SFMBT2: variants seen among roughly 807,000 people sequenced by gnomAD.
The protein encoded by SFMBT2 is scm-like with four MBT domains protein 2.
A neutral mutation model predicts 110.1 loss-of-function variants in SFMBT2; 38 were observed. That is an observed-to-expected ratio of 0.35 (90% confidence interval 0.27 to 0.45). SFMBT2 has a LOEUF of 0.45. Ranked by LOEUF, SFMBT2 falls within the 20% of genes least tolerant of loss-of-function variation. The pLI, the probability that SFMBT2 is intolerant of heterozygous loss-of-function variation, is 1.00. For synonymous variants in SFMBT2, 425 were observed against 425.4 expected (o/e 1.00, Z 0.01); for missense variants, 1,011 against 1,094.9 (o/e 0.92, Z 1.08).
chr10:7,368,492 A>G (rs906440697), intron 3 of SFMBT2: 1 of 289,314 alleles, frequency 3.5e-6, no homozygotes, highest in African/African-American at 2.3e-5. Flanking sequence ...TGACAGACTT[A>G]TCAATCACAC....
At chr10:7,322,789 G>A (rs935716844) in intron 4 of SFMBT2, among the ~76,000 whole-genome samples, 2 of 152,162 alleles carry the variant, frequency 1.3e-5, no homozygotes, top group Non-Finnish European at 2.9e-5. Flanking sequence ...ACCACAGAAA[G>A]ACAGGATTTC....
At position 7,180,287 on chromosome 10, in the gene SFMBT2, T is replaced by C. The variant is rs968670728; in HGVS notation, c.1809-4122A>G. 3.2e-5 allele frequency among the ~76,000 whole-genome samples: 4 copies of C among 123,488 alleles called. 1 individual carries two copies. The South Asian group carries it at 1.2e-3, about 36-fold the overall frequency. The allele number at this position is 123,488 out of a possible 152,430, so 81.0% of individuals were successfully genotyped here. ...ATACAGGTGCCCACCACCACGCCTA[T>C]AGTGGTAATTTTTTTTTTTTTTTGT... On this transcript the variant is annotated intron_variant, in intron 16 of 20. Coordinates refer to ENST00000397167, the MANE Select transcript of SFMBT2 (RefSeq NM_001387889.1).
At chr10:7,284,456 C>A in intron 5 of SFMBT2, 1 of 1,097,580 alleles carries the variant, frequency 9.1e-7, no homozygotes, top group Non-Finnish European at 1.1e-6. Context: ...CTTTTGTTAA[C>A]AATCAGTATG....
In SFMBT2 at chr10:7,278,811, A is replaced by C. The variant is rs1360151364; in HGVS notation, c.773-1822T>G. Among the ~76,000 whole-genome samples the C allele has an allele frequency of 2.6e-5, 4 of 152,232 alleles. No homozygotes were observed. In the Middle Eastern group the frequency reaches 0.01, roughly 388 times the overall value. ...GCCCTGAGACAGAAGAGAAGGTATA[A>C]GAATGGTCAAAAAACACCTTCATTG... On this transcript the variant is annotated intron_variant, in intron 6 of 20. Coordinates refer to ENST00000397167, the MANE Select transcript of SFMBT2 (RefSeq NM_001387889.1).
rs1449978305 is a variant in SFMBT2 at position 7,283,927 on chromosome 10, T to G, written c.749A>C (p.Lys250Thr). 3 of 1,601,512 alleles carry G rather than the reference T, an allele frequency of 1.9e-6. No individual in the cohort carries two copies. The highest frequency in any genetic ancestry group is 2.2e-5 in the East Asian group (1 of 44,796). Reference sequence around the variant, plus strand: ...ACCTGAAGGTGGGTCCATTCTGTATTTATTCTCTTGACACCAACCAACTGG... The same window carrying G: ...ACCTGAAGGTGGGTCCATTCTGTATGTATTCTCTTGACACCAACCAACTGG... ...LRPVGWCQEN[K>T]YRMDPPSEIY... The change falls in exon 6 of 21, where the codon AAA becomes ACA. Residue 250 changes from lysine to threonine, a missense_variant. This residue lies in a region of SFMBT2 where 979 missense variants were observed against 1,016.1 expected (regional missense o/e 0.96). Transcript: ENST00000397167.
At position 7,277,040 on chromosome 10, in the gene SFMBT2, G is replaced by A. The variant is rs185103682; in HGVS notation, c.773-51C>T. 4.7e-4 allele frequency: 383 copies of A among 822,956 alleles called. 2 individuals are homozygous for A. Among genetic ancestry groups the A allele is most frequent in the Admixed American group, 1.8e-3 (107 of 58,764 alleles). 51.0% of individuals were successfully genotyped at this position (822,956 alleles called of 1,614,324 possible). The stretch of plus-strand genomic sequence containing the variant: ...AGTTGAAGGACTAACACGTTCTGCC[G>A]GGTGACTCTTTCCTGCATGCTAATT... On this transcript the variant is annotated intron_variant, in intron 6 of 20. Coordinates refer to ENST00000397167, the MANE Select transcript of SFMBT2 (RefSeq NM_001387889.1).
intron 4 of SFMBT2, among the ~76,000 whole-genome samples, chr10:7,298,709 A>G (rs1335037891): frequency 6.6e-6 from 1 of 151,742 alleles, no homozygotes; most frequent in East Asian, 1.9e-4. Flanking sequence ...GTGTGTGCAT[A>G]TGTGCGTATG....
At chr10:7,403,212 T>C (rs1188256043) in intron 1 of SFMBT2, among the ~76,000 whole-genome samples, 1 of 152,170 alleles carries the variant, frequency 6.6e-6, no homozygotes, top group Non-Finnish European at 1.5e-5. Context: ...TCTTACCCCA[T>C]TTCAAAATTA....
chr10:7,172,060 C>G lies in SFMBT2; in HGVS notation c.2250G>C (p.Ala750=). The change falls in exon 19 of 21, where the codon GCG becomes GCC. Residue 750 remains alanine (A), a synonymous_variant. Coordinates refer to ENST00000397167, the MANE Select transcript of SFMBT2 (RefSeq NM_001387889.1). The surrounding 1 kb of genome is among the most constrained non-coding windows in gnomAD (Gnocchi z 4.6). ...TCCGGGGCCGGGCCGAGGGCACCTC[C>G]GCCGACGAGGTGTCCGTCTGGTCAT... The part of the protein sequence containing the change: ...LRDDQTDTSS[A]EVPSARPRRA... 1 of 1,600,546 alleles carries G rather than the reference C, an allele frequency of 6.2e-7. No individual in the cohort carries two copies. Among genetic ancestry groups the G allele is most frequent in the Non-Finnish European group, 8.5e-7 (1 of 1,173,768 alleles).
At chr10:7,333,109 C>T (rs1311299388) in intron 4 of SFMBT2, among the ~76,000 whole-genome samples, 1 of 152,084 alleles carries the variant, frequency 6.6e-6, no homozygotes, top group Non-Finnish European at 1.5e-5. Context: ...TCAGGTGATC[C>T]GCCCACCCTG....
intron 8 of SFMBT2, among the ~76,000 whole-genome samples, chr10:7,247,130 G>A (rs1198342786): frequency 6.6e-6 from 1 of 151,954 alleles, no homozygotes. Context: ...TTGTTTGTTT[G>A]TTTTGAGATG....
At chr10:7,262,481 G>A (rs1398945347) in intron 7 of SFMBT2, among the ~76,000 whole-genome samples, 2 of 152,070 alleles carry the variant, frequency 1.3e-5, no homozygotes, top group East Asian at 1.9e-4. Context: ...CACCAATTAC[G>A]CTAAGTTCAT....
intron 15 of SFMBT2, among the ~76,000 whole-genome samples, chr10:7,194,943 G>T (rs1838721555): frequency 6.6e-6 from 1 of 152,234 alleles, no homozygotes; most frequent in Non-Finnish European, 1.5e-5. Flanking sequence ...GTCATCTTGT[G>T]TGTTAACAGA....
chr10:7,320,304 A>G (rs986235906), intron 4 of SFMBT2, among the ~76,000 whole-genome samples: 1 of 152,182 alleles, frequency 6.6e-6, no homozygotes, highest in African/African-American at 2.4e-5. Context: ...GTTCTTCCTC[A>G]AAGTACTTCC....
intron 7 of SFMBT2, among the ~76,000 whole-genome samples, chr10:7,265,453 G>A (rs1172960479): frequency 6.6e-6 from 1 of 152,110 alleles, no homozygotes; most frequent in African/African-American, 2.4e-5. Context: ...CCTCCCGCCT[G>A]GCCTCTCAAA....
chr10:7,398,587 C>CT lies in SFMBT2; in HGVS notation c.-52+12273dup, dbSNP rs879858152. ...AGAAGACTGAGTTTGGTCAAAGGGC[C>CT]TTTTTTTTTATTTTTGTGGGTACAT... On this transcript the variant is annotated intron_variant, in intron 1 of 20. Transcript: ENST00000397167. Among the ~76,000 whole-genome samples, 110 of 151,414 alleles carry CT rather than the reference C, an allele frequency of 7.3e-4. 1 individual carries two copies. Among genetic ancestry groups the CT allele is most frequent in the African/African-American group, 1.9e-3 (77 of 41,310 alleles).
At chr10:7,273,665 G>A (rs1450235056) in intron 7 of SFMBT2, among the ~76,000 whole-genome samples, 3 of 152,106 alleles carry the variant, frequency 2.0e-5, no homozygotes, top group Non-Finnish European at 1.5e-5. Flanking sequence ...CCAACCCTGT[G>A]TCCAAGTGTT....
intron 4 of SFMBT2, among the ~76,000 whole-genome samples, chr10:7,322,107 C>T (rs116481464): frequency 6.6e-4 from 100 of 152,304 alleles, no homozygotes; most frequent in African/African-American, 2.4e-3. Flanking sequence ...TCCCACGTGT[C>T]CCATGGGAGG....
chr10:7,372,062 G>C (rs1845078750), intron 2 of SFMBT2, among the ~76,000 whole-genome samples: 1 of 151,740 alleles, frequency 6.6e-6, no homozygotes, highest in South Asian at 2.1e-4. Flanking sequence ...GAGTAGCTGG[G>C]ATTACAGGCT....
Sources: allele counts gnomAD v4.1 joint callset (sites outside exome capture counted in the v4.1 genomes callset), GRCh38; gene constraint gnomAD v4.1.1; regional missense constraint gnomAD v4.1.1; non-coding constraint Gnocchi (gnomAD v3.1); transcripts MANE v1.5; gene names NCBI Gene and HGNC (gene_info 2026-07-23, HGNC 2026-07-21).